TRDN: variants seen among roughly 807,000 people sequenced by gnomAD.
TRDN encodes the protein triadin in skeletal muscle.
A neutral mutation model predicts 149.7 loss-of-function variants in TRDN; 161 were observed. The ratio of observed to expected loss-of-function variants is 1.08; its 90% confidence interval spans 0.95 to 1.23. TRDN has a LOEUF of 1.23. Among genes scored for constraint, TRDN ranks in the 50% most tolerant of loss-of-function variants. The probability of loss-of-function intolerance (pLI) is 0.00; values close to 1 mark genes in which losing one functional copy is unlikely to be tolerated. For missense variants in TRDN, 896 were observed against 823.5 expected, an observed-to-expected ratio of 1.09 and a Z score of -1.08; for synonymous variants, 294 against 250.5, an observed-to-expected ratio of 1.17 and a Z score of -1.64.
rs150184449 is a variant in TRDN, at chr6:123,384,282, G to A, written c.1136-2135C>T. ...TAAGGTATGAACTTGATAGTTCAATGTCCGTTTTAAGTTGTCAGTTAGTTT... is the reference window on the plus strand; with the variant it reads ...TAAGGTATGAACTTGATAGTTCAATATCCGTTTTAAGTTGTCAGTTAGTTT... On this transcript the variant is annotated intron_variant, in intron 14 of 40. Coordinates refer to ENST00000334268, the MANE Select transcript of TRDN (RefSeq NM_006073.4). 1.9e-3 allele frequency among the ~76,000 whole-genome samples: 295 copies of A among 152,204 alleles called. 1 individual carries two copies. The highest frequency in any genetic ancestry group is 4.3e-3 in the Admixed American group (65 of 15,286).
intron 12 of TRDN, among the ~76,000 whole-genome samples, chr6:123,434,908 T>A (rs1774489625): frequency 6.6e-6 from 1 of 151,886 alleles, no homozygotes; most frequent in Admixed American, 6.6e-5. Flanking sequence ...CCCCTATTAA[T>A]TAATGGGTTG....
chr6:123,252,707 A>G (rs1776417201), intron 37 of TRDN, among the ~76,000 whole-genome samples: 1 of 152,038 alleles, frequency 6.6e-6, no homozygotes, highest in African/African-American at 2.4e-5. Flanking sequence ...TGCAGCCTCA[A>G]ATTCCTGTGC....
intron 33 of TRDN, among the ~76,000 whole-genome samples, chr6:123,264,781 G>A (rs1236140235): frequency 1.3e-5 from 2 of 151,926 alleles, no homozygotes; most frequent in Non-Finnish European, 2.9e-5. Flanking sequence ...CATCAACATC[G>A]AGACAATACT....
chr6:123,275,383 C>A (rs1002983639), intron 26 of TRDN, among the ~76,000 whole-genome samples: 1 of 152,088 alleles, frequency 6.6e-6, no homozygotes, highest in Non-Finnish European at 1.5e-5. Context: ...TATATCTTCA[C>A]ACCAAGAAAC....
intron 8 of TRDN, among the ~76,000 whole-genome samples, chr6:123,501,529 T>C (rs1778700006): frequency 6.6e-6 from 1 of 152,036 alleles, no homozygotes; most frequent in African/African-American, 2.4e-5. Context: ...TTAGTTTTCT[T>C]TAATTTAAAA....
intron 1 of TRDN, chr6:123,583,885 G>T (rs375985259): frequency 4.0e-6 from 1 of 247,040 alleles, no homozygotes; most frequent in Non-Finnish European, 8.2e-6. Flanking sequence ...CCTGAGGAGT[G>T]GTAGAATAGT....
chr6:123,549,777 G>A (rs1177949145), intron 2 of TRDN, among the ~76,000 whole-genome samples: 5 of 152,040 alleles, frequency 3.3e-5, no homozygotes, highest in Admixed American at 6.6e-5. Context: ...GGTGGTAACA[G>A]TGTGTGTGGT....
At chr6:123,481,102 C>T (rs1489429960) in intron 9 of TRDN, among the ~76,000 whole-genome samples, 1 of 152,068 alleles carries the variant, frequency 6.6e-6, no homozygotes. Flanking sequence ...GATATTTTAT[C>T]AGGCCTTACA....
At chr6:123,306,417 A>G (rs1464716564) in intron 24 of TRDN, among the ~76,000 whole-genome samples, 1 of 152,178 alleles carries the variant, frequency 6.6e-6, no homozygotes, top group South Asian at 2.1e-4. Flanking sequence ...AAAAGGGGGG[A>G]AATGTGAAAG....
At chr6:123,375,540 A>G (rs1265224187) in intron 19 of TRDN, 65 bp downstream of exon 19, 2 of 1,379,254 alleles carry the variant, frequency 1.5e-6, no homozygotes, top group Non-Finnish European at 2.0e-6. Context: ...CATAGTCTAT[A>G]GCAGAAAATT....
chr6:123,458,829 G>T (rs897085224), intron 10 of TRDN, among the ~76,000 whole-genome samples: 2 of 151,818 alleles, frequency 1.3e-5, no homozygotes, highest in African/African-American at 4.8e-5. Flanking sequence ...GGAAATTGAT[G>T]AGTATTATCA....
At chr6:123,230,330 T>A (rs1775552094) in intron 38 of TRDN, among the ~76,000 whole-genome samples, 1 of 151,756 alleles carries the variant, frequency 6.6e-6, no homozygotes, top group African/African-American at 2.4e-5. Flanking sequence ...AGGTGGGAAT[T>A]GAACAATAAG....
intron 1 of TRDN, among the ~76,000 whole-genome samples, chr6:123,611,703 A>G (rs1784818140): frequency 6.6e-6 from 1 of 152,182 alleles, no homozygotes; most frequent in Admixed American, 6.6e-5. Flanking sequence ...TTTTAGATCT[A>G]TGATTGTCTG....
intron 1 of TRDN, among the ~76,000 whole-genome samples, chr6:123,578,078 A>T (rs1187477363): frequency 6.6e-6 from 1 of 151,974 alleles, no homozygotes; most frequent in Non-Finnish European, 1.5e-5. Context: ...TCCATTCTGT[A>T]TGTTGTCTGT....
chr6:123,276,819 A>G (rs1052588857), intron 26 of TRDN, among the ~76,000 whole-genome samples: 1 of 152,162 alleles, frequency 6.6e-6, no homozygotes, highest in Non-Finnish European at 1.5e-5. Context: ...AGGGACAGAG[A>G]CATGATAAAA....
At chr6:123,559,139 G>C (rs1341489430) in intron 2 of TRDN, among the ~76,000 whole-genome samples, 3 of 152,312 alleles carry the variant, frequency 2.0e-5, no homozygotes, top group Middle Eastern at 3.4e-3. Context: ...AAGGCTCCTG[G>C]ACCATCACAG....
At chr6:123,347,545 C>A (rs1780301631) in intron 21 of TRDN, among the ~76,000 whole-genome samples, 2 of 151,958 alleles carry the variant, frequency 1.3e-5, no homozygotes, top group African/African-American at 2.4e-5. Flanking sequence ...TGTAAAGTAT[C>A]AGCAAAACTT....
intron 1 of TRDN, among the ~76,000 whole-genome samples, chr6:123,629,816 T>C (rs1182656464): frequency 2.6e-5 from 4 of 152,054 alleles, no homozygotes; most frequent in Non-Finnish European, 5.9e-5. Flanking sequence ...CATTAACTTG[T>C]ATAGAGCAGA....
intron 6 of TRDN, among the ~76,000 whole-genome samples, chr6:123,513,878 C>T (rs1779293956): frequency 1.3e-5 from 2 of 152,044 alleles, no homozygotes; most frequent in African/African-American, 4.8e-5. Context: ...TTCTACCTAA[C>T]TGGAGTGTTT....
Sources: gnomAD v4.1 joint callset for allele counts (sites outside exome capture counted in the v4.1 genomes callset) on GRCh38, gnomAD v4.1.1 for gene constraint, MANE v1.5 for transcripts, NCBI Gene and HGNC (gene_info 2026-07-23, HGNC 2026-07-21) for gene names.